The following HK1 variants were observed in gnomAD, a reference collection of about 807,000 sequenced individuals.
HK1 encodes the protein hexokinase 1.
HK1 carries 28 observed loss-of-function variants against 91.6 expected under a neutral mutation model. The observed-to-expected ratio is 0.31, with a 90% CI of 0.23 to 0.42. The LOEUF (loss-of-function observed/expected upper bound fraction) is 0.42. Among genes scored for constraint, HK1 ranks in the 10% least tolerant of loss-of-function variants. HK1 has a pLI of 1.00. For synonymous variants in HK1, 430 were observed against 468.1 expected, an observed-to-expected ratio of 0.92 and a Z score of 1.05; for missense variants, 770 against 1,219.8, an observed-to-expected ratio of 0.63 and a Z score of 5.49.
At chr10:69,304,681 C>G (rs1846028575) in intron 5 of HK1, among the ~76,000 whole-genome samples, 1 of 152,174 alleles carries the variant, frequency 6.6e-6, no homozygotes, top group African/African-American at 2.4e-5. Context: ...TGAACAAGGA[C>G]AGCTTGGAGG....
chr10:69,400,022 G>A (rs1377818647), intron 17 of HK1, among the ~76,000 whole-genome samples: 1 of 152,176 alleles, frequency 6.6e-6, no homozygotes, highest in Non-Finnish European at 1.5e-5. Context: ...CACAGGAGTG[G>A]TTTAGAGCTA....
At chr10:69,318,059 G>A, upstream of HK1, 1 of 985,434 alleles carries the variant, frequency 1.0e-6, no homozygotes, top group African/African-American at 1.7e-5. Context: ...GACAGGCCAC[G>A]ACCTGTGGCC....
chr10:69,397,809 C>T (rs1282595230), intron 16 of HK1, among the ~76,000 whole-genome samples: 1 of 151,850 alleles, frequency 6.6e-6, no homozygotes, highest in African/African-American at 2.4e-5. Context: ...AGTCTTGAGA[C>T]GTAAGAAGTA....
chr10:69,286,631 C>T (rs1198385052), intron 2 of HK1, among the ~76,000 whole-genome samples: 1 of 151,996 alleles, frequency 6.6e-6, no homozygotes, highest in Non-Finnish European at 1.5e-5. Flanking sequence ...TCACTGCAAC[C>T]TCCGCCTCCC....
At position 69,401,086 on chromosome 10, in the gene HK1, C is replaced by T; in HGVS notation, c.2705C>T (p.Ala902Val). Residue 902 changes from alanine (A) to valine (V), a missense_variant, in exon 18 of 18, where the codon GCC becomes GTC. Ala to Val is a moderately conservative substitution (Grantham distance 64). Around this residue, in one of 7 missense-constraint regions of HK1, gnomAD observed 3 missense variants for 20.7 expected, o/e 0.15. Coordinates refer to ENST00000359426, the MANE Select transcript of HK1 (RefSeq NM_000188.3). Reference protein sequence around the residue: ...LSEDGSGKGAALITAVGVRLR... With the variant: ...LSEDGSGKGAVLITAVGVRLR... ...GAGGATGGCAGCGGCAAGGGGGCCG[C>T]CCTCATCACGGCCGTGGGCGTGCGG... 1 of 1,614,172 alleles carries T rather than the reference C, an allele frequency of 6.2e-7. No individual in the cohort carries two copies. The highest frequency in any genetic ancestry group is 8.5e-7 in the Non-Finnish European group (1 of 1,180,038).
chr10:69,387,853 G>C (rs1839715769), intron 13 of HK1, among the ~76,000 whole-genome samples: 1 of 147,910 alleles, frequency 6.8e-6, no homozygotes, highest in Non-Finnish European at 1.5e-5. Flanking sequence ...TAATGAGGGA[G>C]TCAGTAAGAG....
intron 5 of HK1, among the ~76,000 whole-genome samples, chr10:69,308,709 C>T (rs1846220601): frequency 6.6e-6 from 1 of 152,124 alleles, no homozygotes; most frequent in Admixed American, 6.5e-5. Context: ...TTTAGTTTTG[C>T]TTCTCTTTCT....
At chr10:69,344,050 TA>T in intron 2 of HK1, 61 bp downstream of exon 2, 1 of 1,536,810 alleles carries the variant, frequency 6.5e-7, no homozygotes, top group Non-Finnish European at 9.0e-7. Flanking sequence ...ATCTTCCTTC[TA>T]ACTTCATTTG....
At chr10:69,364,686 A>G in intron 3 of HK1, 97 bp from the exon 4 acceptor site, 8 of 1,461,064 alleles carry the variant, frequency 5.5e-6, no homozygotes, top group Non-Finnish European at 7.7e-6. Context: ...GGGTAGATGT[A>G]TTCCTTTCTG....
chr10:69,371,935 A>T (rs1850027187), intron 7 of HK1, among the ~76,000 whole-genome samples: 3 of 152,172 alleles, frequency 2.0e-5, no homozygotes, highest in African/African-American at 7.2e-5. Context: ...TATGTTTCTC[A>T]GTTGTATTAG....
chr10:69,319,051 C>T (rs1178062195), intron 1 of HK1, 41 bp downstream of exon 1: 1 of 1,571,560 alleles, frequency 6.4e-7, no homozygotes, highest in Non-Finnish European at 8.6e-7. Flanking sequence ...TGGCCGCAGC[C>T]TTGCGTTCCG....
At chr10:69,393,224 G>A (rs909457822) in intron 15 of HK1, among the ~76,000 whole-genome samples, 4 of 152,144 alleles carry the variant, frequency 2.6e-5, no homozygotes, top group Admixed American at 2.0e-4. Context: ...CAGGTGATCC[G>A]CCTGTCTAGG....
At chr10:69,395,561 A>C (rs1184371473) in intron 16 of HK1, among the ~76,000 whole-genome samples, 1 of 152,216 alleles carries the variant, frequency 6.6e-6, no homozygotes, top group Non-Finnish European at 1.5e-5. Context: ...CTGGCCTGGC[A>C]ACAGAGCGAG....
intron 1 of HK1, among the ~76,000 whole-genome samples, chr10:69,319,697 T>C (rs1846894718): frequency 6.6e-6 from 1 of 152,214 alleles, no homozygotes; most frequent in African/African-American, 2.4e-5. Context: ...GACTGGTCAT[T>C]TGAGTTGGGT....
chr10:69,281,194 A>G (rs549987927), intron 1 of HK1, among the ~76,000 whole-genome samples: 2 of 152,300 alleles, frequency 1.3e-5, no homozygotes, highest in Admixed American at 1.3e-4. Flanking sequence ...GCTTGTTAAA[A>G]CACAGATTCA....
intron 2 of HK1, chr10:69,288,585 G>T (rs1322036835): frequency 1.3e-6 from 1 of 762,242 alleles, no homozygotes; most frequent in Non-Finnish European, 2.4e-6. Flanking sequence ...CTCAGTATTA[G>T]GGTGTTTAGC....
chr10:69,302,051 G>T (rs1245202225), intron 5 of HK1, among the ~76,000 whole-genome samples: 5 of 151,984 alleles, frequency 3.3e-5, no homozygotes, highest in African/African-American at 1.2e-4. Context: ...TTCGTGACCA[G>T]CCTTGCCAAC....
intron 2 of HK1, among the ~76,000 whole-genome samples, chr10:69,347,418 T>C (rs1262869712): frequency 6.6e-6 from 1 of 151,124 alleles, no homozygotes; most frequent in African/African-American, 2.4e-5. Context: ...CGGTTCTCTT[T>C]GGAAATTGAA....
upstream of HK1, among the ~76,000 whole-genome samples, chr10:69,315,168 A>G (rs1443815806): frequency 6.6e-6 from 1 of 152,236 alleles, no homozygotes; most frequent in Non-Finnish European, 1.5e-5. Context: ...TGTTATCAGG[A>G]GAAATGAAGC....
Sources: allele counts gnomAD v4.1 joint callset (sites outside exome capture counted in the v4.1 genomes callset), GRCh38; gene constraint gnomAD v4.1.1; regional missense constraint gnomAD v4.1.1; transcripts MANE v1.5; gene names NCBI Gene and HGNC (gene_info 2026-07-23, HGNC 2026-07-21).